The following ERCC3 variants were observed in gnomAD, a reference collection of about 807,000 sequenced individuals.
ERCC3 encodes ERCC excision repair 3, TFIIH core complex helicase subunit.
A neutral mutation model predicts 94.2 loss-of-function variants in ERCC3; 66 were observed. The ratio of observed to expected loss-of-function variants is 0.70; its 90% CI spans 0.57 to 0.86. The LOEUF is 0.86. Ranked by LOEUF, ERCC3 falls within the 40% of genes least tolerant of loss-of-function variation. ERCC3 has a pLI of 0.00. For missense variants in ERCC3, 829 were observed against 987.1 expected (o/e 0.84, Z 2.15); for synonymous variants, 349 against 369.1 (o/e 0.95, Z 0.63).
chr2:127,293,440 C>T, intron 2 of ERCC3, 73 bp downstream of exon 2: 4 of 1,380,674 alleles, frequency 2.9e-6, no homozygotes, highest in Non-Finnish European at 3.1e-6. Context: ...TCAGTTTTGA[C>T]TCTGAGGATG....
chr2:127,273,749 CAAAAA>C (rs398039596), intron 10 of ERCC3, among the ~76,000 whole-genome samples: 18 of 40,112 alleles, frequency 4.5e-4, no homozygotes, highest in African/African-American at 1.9e-3. Flanking sequence ...AACTCTGTCT[CAAAAA>C]AAAAAAAAAA....
In ERCC3 at chr2:127,289,981, CAT is replaced by C. The variant is rs564139206; in HGVS notation, c.522-159_522-158del. The C allele has an allele frequency of 5.9e-4, 559 of 941,084 alleles. 5 individuals carry two copies. In the African/African-American group the frequency reaches 7.5e-3, roughly 13 times the overall value. 58.3% of individuals were successfully genotyped at this position (941,084 alleles called of 1,614,324 possible). On this transcript the variant is annotated intron_variant, in intron 4 of 14. Transcript: ENST00000285398. ...CCATGAGCTGCCGGCCATGATTTAA[CAT>C]ATGAGGGTTGTGACTTTGAGGTCAA...
Position 127,271,270 on chromosome 2 carries a change from G to C in ERCC3, c.1945+66C>G, listed in dbSNP as rs889012387. Reference sequence around the variant, plus strand: ...GCACATGGCAGCTCTCACCCCTATCGTCTTCCTAACTAAAGTGGTTTAAGA... The same window carrying C: ...GCACATGGCAGCTCTCACCCCTATCCTCTTCCTAACTAAAGTGGTTTAAGA... On this transcript the variant is annotated intron_variant, in intron 12 of 14. Coordinates refer to ENST00000285398, the MANE Select transcript of ERCC3 (RefSeq NM_000122.2). The surrounding 1 kb of genome is among the most constrained non-coding windows in gnomAD (Gnocchi z 5.0). 3.6e-6 allele frequency: 4 copies of C among 1,111,884 alleles called. No homozygotes were observed. Among genetic ancestry groups the C allele is most frequent in the Non-Finnish European group, 4.2e-6 (3 of 721,854 alleles). 68.9% of individuals were successfully genotyped at this position (1,111,884 alleles called of 1,614,324 possible). A position where few individuals can be genotyped will look rare whatever the true frequency, so the allele number is the denominator to read the frequency against.
At position 127,289,471 on chromosome 2, in the gene ERCC3, G is replaced by GC; in HGVS notation, c.687dup (p.Pro230AlafsTer12). 6.2e-7 allele frequency: 1 copy of GC among 1,612,736 alleles called. No individual in the cohort carries two copies. The highest frequency in any genetic ancestry group is 8.5e-7 in the Non-Finnish European group (1 of 1,180,010). ...GGATCTGTCACTCGGGAAGTGGAGG[G>GC]CCCACCACTGCTTTCAGCAGTCTTA... is the stretch of plus-strand genomic sequence containing the variant. On this transcript the variant is annotated frameshift_variant, in exon 6 of 15. Coordinates refer to ENST00000285398, the MANE Select transcript of ERCC3 (RefSeq NM_000122.2). LOFTEE classifies it high-confidence loss of function.
intron 8 of ERCC3, among the ~76,000 whole-genome samples, chr2:127,283,320 T>C (rs913029559): frequency 5.3e-5 from 8 of 152,116 alleles, no homozygotes; most frequent in Admixed American, 6.6e-5. Context: ...TATACTGTCG[T>C]TGTATAAATG....
chr2:127,293,985 T>C, intron 1 of ERCC3, 69 bp downstream of exon 1: 1 of 1,580,202 alleles, frequency 6.3e-7, no homozygotes, highest in Non-Finnish European at 8.6e-7. Flanking sequence ...CCGGAGCAGC[T>C]CCGAGGCAGA....
chr2:127,287,530 A>C (rs188597804), intron 7 of ERCC3, among the ~76,000 whole-genome samples: 15 of 152,330 alleles, frequency 9.8e-5, no homozygotes, highest in Admixed American at 2.6e-4. Flanking sequence ...GTCACTTGGG[A>C]GGCTGAGGCA....
rs1308931738 is a variant in ERCC3, at chr2:127,290,694, G to A, written c.472-421C>T. The A allele has an allele frequency of 1.4e-5, 4 of 292,868 alleles. No homozygotes were observed. The East Asian group carries it at 3.6e-4, about 26-fold the overall frequency. The allele number at this position is 292,868 out of a possible 1,614,324, so 18.1% of individuals were successfully genotyped here. A position where few individuals can be genotyped will look rare whatever the true frequency, so the allele number is the denominator to read the frequency against. On this transcript the variant is annotated intron_variant, in intron 3 of 14. Transcript: ENST00000285398. Reference sequence around the variant, plus strand: ...TCCTATTTCCCCAAATAGAATGTAAGCATCTTGATGGCAGAGAATACAGCT... The same window carrying A: ...TCCTATTTCCCCAAATAGAATGTAAACATCTTGATGGCAGAGAATACAGCT...
In ERCC3 at chr2:127,287,069, C is replaced by T. The variant is rs775316577; in HGVS notation, c.1028-52G>A. 6 of 1,404,634 alleles carry T rather than the reference C, an allele frequency of 4.3e-6. No homozygotes were observed. In the East Asian group the frequency reaches 1.1e-4, roughly 27 times the overall value. 87.0% of individuals were successfully genotyped at this position (1,404,634 alleles called of 1,614,324 possible). A position where few individuals can be genotyped will look rare whatever the true frequency, so the allele number is the denominator to read the frequency against. Reference sequence around the variant, plus strand: ...CCCAAGGACAGGTTGAAATGAAGGACAGGGACAGGCAGAATGACTCACAAG... The same window carrying T: ...CCCAAGGACAGGTTGAAATGAAGGATAGGGACAGGCAGAATGACTCACAAG... On this transcript the variant is annotated intron_variant, in intron 7 of 14. Transcript: ENST00000285398.
chr2:127,277,117 C>G lies in ERCC3; in HGVS notation c.1730+2056G>C, dbSNP rs1387105814. ...GGGTGGGAAACACAACAAAGAGGCC[C>G]AGGGAAGTCATGGGGTAGTGTCCAA... On this transcript the variant is annotated intron_variant, in intron 10 of 14. Transcript: ENST00000285398. This position sits in a 1 kb window ranked among gnomAD's most constrained non-coding sequence, Gnocchi z 5.1. Among the ~76,000 whole-genome samples the G allele has an allele frequency of 6.6e-6, 1 of 152,072 alleles. No individual in the cohort carries two copies. The highest frequency in any genetic ancestry group is 2.4e-5 in the African/African-American group (1 of 41,390).
chr2:127,257,379 C>T lies in ERCC3; in HGVS notation c.*217G>A. Reference sequence around the variant, plus strand: ...TTTTTTATATACAGAAATGACCCCACTCCCCAAAAAGTTTGAAAAAATATT... The same window carrying T: ...TTTTTTATATACAGAAATGACCCCATTCCCCAAAAAGTTTGAAAAAATATT... On this transcript the variant is annotated 3_prime_UTR_variant, in exon 15 of 15. Coordinates refer to ENST00000285398, the MANE Select transcript of ERCC3 (RefSeq NM_000122.2). The surrounding 1 kb of genome is among the most constrained non-coding windows in gnomAD (Gnocchi z 5.4). The T allele has an allele frequency of 1.6e-6, 1 of 617,950 alleles. No homozygotes were observed. The allele number at this position is 617,950 out of a possible 1,614,324, so 38.3% of individuals were successfully genotyped here.
chr2:127,279,267 A>G lies in ERCC3; in HGVS notation c.1636T>C (p.Phe546Leu), dbSNP rs774624418. The stretch of plus-strand genomic sequence containing the variant: ...CTCCTTTCATGAAACTTGATCAGAA[A>G]CTGGCAAGCTCTAAATTTGTTGGGG... ...MNPNKFRACQ[F>L]LIKFHERRND... Residue 546 changes from phenylalanine (F) to leucine (L), a missense_variant, in exon 10 of 15, where the codon TTT becomes CTT. Transcript: ENST00000285398. The surrounding 1 kb of genome is among the most constrained non-coding windows in gnomAD (Gnocchi z 4.7). 1.2e-6 allele frequency: 2 copies of G among 1,613,826 alleles called. No homozygotes were observed. The highest frequency in any genetic ancestry group is 2.7e-5 in the African/African-American group (2 of 75,028).
rs1329781417 is a variant in ERCC3 at position 127,293,801 on chromosome 2, C to T, written c.29-83G>A. 4 of 1,600,554 alleles carry T rather than the reference C, an allele frequency of 2.5e-6. No homozygotes were observed. In the Admixed American group the frequency reaches 5.0e-5, roughly 20 times the overall value. ...CCGCTTGGCAGCATTTCACCTGCGC[C>T]GCCGCAAACTCCTAGCTAAGAGCCA... On this transcript the variant is annotated intron_variant, in intron 1 of 14. Coordinates refer to ENST00000285398, the MANE Select transcript of ERCC3 (RefSeq NM_000122.2).
At chr2:127,283,607 G>A (rs1289479332) in intron 8 of ERCC3, among the ~76,000 whole-genome samples, 2 of 152,198 alleles carry the variant, frequency 1.3e-5, no homozygotes, top group Non-Finnish European at 2.9e-5. Context: ...GGACTGATGG[G>A]TCATGTGGTA....
rs1271672651 is a variant in ERCC3 at position 127,261,351 on chromosome 2, A to C, written c.1946-5T>G. On this transcript the variant is annotated splice_polypyrimidine_tract_variant and splice_region_variant and intron_variant, in intron 12 of 14. Transcript: ENST00000285398. ...TGTACTCTTCTGCAACCATCCCTGCAGGAAAAAATGAGAAACGGCAATAAA... is the reference window on the plus strand; with the variant it reads ...TGTACTCTTCTGCAACCATCCCTGCCGGAAAAAATGAGAAACGGCAATAAA... 6.5e-7 allele frequency: 1 copy of C among 1,547,858 alleles called. No individual in the cohort carries two copies. The highest frequency in any genetic ancestry group is 8.9e-7 in the Non-Finnish European group (1 of 1,119,592).
intron 10 of ERCC3, among the ~76,000 whole-genome samples, chr2:127,275,202 C>CT (rs999485684): frequency 1.3e-4 from 19 of 151,324 alleles, no homozygotes; most frequent in South Asian, 1.0e-3. Context: ...CACAGGATCA[C>CT]TTTTTTTTTA....
chr2:127,273,724 G>A (rs1484138060), intron 10 of ERCC3, among the ~76,000 whole-genome samples: 1 of 134,764 alleles, frequency 7.4e-6, no homozygotes, highest in Non-Finnish European at 1.6e-5. Flanking sequence ...ACTCCACCCT[G>A]GGAAACAAGA....
Position 127,264,741 on chromosome 2 carries a change from T to C in ERCC3, c.1946-3395A>G, listed in dbSNP as rs1684302516. ...TTGCCAGATTTTGGTATCAGGATGA[T>C]AGTGGTTTCGTAGTATGAGTTAGGA... On this transcript the variant is annotated intron_variant, in intron 12 of 14. Coordinates refer to ENST00000285398, the MANE Select transcript of ERCC3 (RefSeq NM_000122.2). The surrounding 1 kb of genome is among the most constrained non-coding windows in gnomAD (Gnocchi z 4.4). Among the ~76,000 whole-genome samples the C allele has an allele frequency of 6.6e-6, 1 of 152,192 alleles. No homozygotes were observed. The highest frequency in any genetic ancestry group is 1.5e-5 in the Non-Finnish European group (1 of 68,042).
At chr2:127,285,279 G>A (rs1685028708) in intron 8 of ERCC3, among the ~76,000 whole-genome samples, 1 of 152,164 alleles carries the variant, frequency 6.6e-6, no homozygotes, top group Admixed American at 6.5e-5. Flanking sequence ...GATCATGGTG[G>A]CCGAATGCAG....
Sources: allele counts gnomAD v4.1 joint callset (sites outside exome capture counted in the v4.1 genomes callset), GRCh38; gene constraint gnomAD v4.1.1; non-coding constraint Gnocchi (gnomAD v3.1); transcripts MANE v1.5; gene names NCBI Gene and HGNC (gene_info 2026-07-23, HGNC 2026-07-21).